Variants in EYA1 observed in about 807,000 individuals in gnomAD.
EYA1 encodes the protein protein phosphatase EYA1.
In EYA1, 16 loss-of-function variants were observed where a neutral mutation model predicts 82.0. The observed-to-expected ratio is 0.20, with a 90% CI of 0.13 to 0.30. The LOEUF is 0.30. EYA1 is among the 10% of genes least tolerant of loss of function. The pLI is 1.00. For synonymous variants in EYA1, 261 were observed against 264.4 expected, an observed-to-expected ratio of 0.99 and a Z score of 0.12; for missense variants, 633 against 730.7, an observed-to-expected ratio of 0.87 and a Z score of 1.54.
intron 2 of EYA1, among the ~76,000 whole-genome samples, chr8:71,399,244 G>T (rs111661602): frequency 6.6e-6 from 1 of 151,974 alleles, no homozygotes; most frequent in Admixed American, 6.5e-5. Flanking sequence ...TGTGCTTCCC[G>T]GGTGAAGCGA....
chr8:71,428,846 G>A (rs534168776), intron 2 of EYA1, among the ~76,000 whole-genome samples: 4 of 152,224 alleles, frequency 2.6e-5, no homozygotes, highest in African/African-American at 9.6e-5. Context: ...AAACAAGAGA[G>A]AAAGCTGAAA....
At chr8:71,521,987 G>A (rs372039321) in intron 2 of EYA1, among the ~76,000 whole-genome samples, 1 of 152,098 alleles carries the variant, frequency 6.6e-6, no homozygotes, top group Non-Finnish European at 1.5e-5. Flanking sequence ...CTTAATCATG[G>A]ATCATATGTC....
At chr8:71,237,321 C>T (rs1471877160) in intron 12 of EYA1, among the ~76,000 whole-genome samples, 2 of 152,078 alleles carry the variant, frequency 1.3e-5, no homozygotes, top group African/African-American at 2.4e-5. Flanking sequence ...AAGTGAAATC[C>T]AACATTTTTC....
At chr8:71,372,611 GAGA>G (rs1452561640) in intron 2 of EYA1, among the ~76,000 whole-genome samples, 2 of 152,106 alleles carry the variant, frequency 1.3e-5, no homozygotes, top group Non-Finnish European at 2.9e-5. Context: ...GTCCAGATTG[GAGA>G]AGGTCAGAAG....
intron 2 of EYA1, among the ~76,000 whole-genome samples, chr8:71,482,410 A>T (rs1743702300): frequency 6.6e-6 from 1 of 152,198 alleles, no homozygotes; most frequent in African/African-American, 2.4e-5. Context: ...GAGGACGTAG[A>T]GTAACTTGAG....
chr8:71,225,867 A>T (rs943892573), intron 12 of EYA1, among the ~76,000 whole-genome samples: 2 of 152,256 alleles, frequency 1.3e-5, no homozygotes, highest in African/African-American at 2.4e-5. Flanking sequence ...TTTAGAGATT[A>T]TCTAAGTGAG....
intron 2 of EYA1, among the ~76,000 whole-genome samples, chr8:71,488,702 C>T (rs1270062825): frequency 6.6e-6 from 1 of 152,182 alleles, no homozygotes; most frequent in Admixed American, 6.5e-5. Context: ...TAGCTGGTCT[C>T]TACACACTTT....
At chr8:71,520,217 C>T (rs1477589620) in intron 2 of EYA1, among the ~76,000 whole-genome samples, 1 of 151,436 alleles carries the variant, frequency 6.6e-6, no homozygotes, top group Non-Finnish European at 1.5e-5. Context: ...TCATTGGCCC[C>T]CCCCTCCACT....
intron 9 of EYA1, among the ~76,000 whole-genome samples, chr8:71,285,386 T>C (rs766371344): frequency 6.6e-6 from 1 of 152,184 alleles, no homozygotes; most frequent in Non-Finnish European, 1.5e-5. Flanking sequence ...TTAGAATGTT[T>C]GAAGGGAGAA....
intron 2 of EYA1, among the ~76,000 whole-genome samples, chr8:71,460,022 C>G (rs1051184200): frequency 6.6e-6 from 1 of 152,112 alleles, no homozygotes; most frequent in Non-Finnish European, 1.5e-5. Flanking sequence ...GTCATCTACT[C>G]GTCAAGTCAC....
At chr8:71,445,002 C>T (rs117112341) in intron 2 of EYA1, among the ~76,000 whole-genome samples, 2,396 of 152,254 alleles carry the variant, frequency 0.016, 39 homozygotes, top group Non-Finnish European at 0.024. Flanking sequence ...TCAAATCAGA[C>T]CCTATCAAAA....
intron 2 of EYA1, among the ~76,000 whole-genome samples, chr8:71,521,190 AT>A (rs774797230): frequency 9.9e-5 from 15 of 152,164 alleles, no homozygotes; most frequent in Non-Finnish European, 2.1e-4. Flanking sequence ...AAGTAGATAC[AT>A]ATAGTAAATT....
At chr8:71,523,264 C>T (rs924708276) in intron 2 of EYA1, among the ~76,000 whole-genome samples, 5 of 147,268 alleles carry the variant, frequency 3.4e-5, no homozygotes, top group African/African-American at 1.0e-4. Context: ...CTGCAAGCTC[C>T]GCCTCCCAGG....
intron 2 of EYA1, among the ~76,000 whole-genome samples, chr8:71,419,026 T>C (rs758825130): frequency 1.3e-5 from 2 of 152,008 alleles, no homozygotes; most frequent in Non-Finnish European, 1.5e-5. Flanking sequence ...CCAAAGGAGG[T>C]TGAGATGAGA....
chr8:71,454,062 AG>A (rs1807652744), intron 2 of EYA1, among the ~76,000 whole-genome samples: 1 of 152,200 alleles, frequency 6.6e-6, no homozygotes, highest in African/African-American at 2.4e-5. Flanking sequence ...CTCAAAATAA[AG>A]GGATGAAGGA....
chr8:71,397,040 C>T (rs374397786), intron 2 of EYA1, among the ~76,000 whole-genome samples: 1 of 152,110 alleles, frequency 6.6e-6, no homozygotes, highest in African/African-American at 2.4e-5. Flanking sequence ...TACCATTAAA[C>T]AATGGCCTTC....
intron 2 of EYA1, among the ~76,000 whole-genome samples, chr8:71,461,669 C>A (rs1808371252): frequency 6.6e-6 from 1 of 152,150 alleles, no homozygotes; most frequent in Non-Finnish European, 1.5e-5. Flanking sequence ...TGGAGGGTCT[C>A]AAATTCTTGT....
intron 11 of EYA1, among the ~76,000 whole-genome samples, chr8:71,252,974 A>G (rs1813932321): frequency 1.3e-5 from 2 of 152,204 alleles, no homozygotes; most frequent in South Asian, 4.1e-4. Context: ...AAGTTTATCT[A>G]CAAATGTATG....
chr8:71,226,335 G>A (rs952892567), intron 12 of EYA1, among the ~76,000 whole-genome samples: 1 of 152,090 alleles, frequency 6.6e-6, no homozygotes, highest in African/African-American at 2.4e-5. Context: ...CATGAAGATA[G>A]CTCCTTCTTA....
Sources: gnomAD v4.1 joint callset for allele counts (sites outside exome capture counted in the v4.1 genomes callset) on GRCh38, gnomAD v4.1.1 for gene constraint, MANE v1.5 for transcripts, NCBI Gene and HGNC (gene_info 2026-07-23, HGNC 2026-07-21) for gene names.